The following QTGAL variants were observed in gnomAD, a reference collection of about 807,000 sequenced individuals.
QTGAL encodes the protein queuosine-tRNA galactosyltransferase.
the QTGAL span, chr17:82,957,629 C>A: frequency 1.7e-5 from 22 of 1,266,028 alleles, no homozygotes; most frequent in East Asian, 5.1e-4. Context: ...CTAAGAGAGA[C>A]TGGCTGTCCT....
chr17:82,962,873 G>A, the QTGAL span, among the ~76,000 whole-genome samples: 1 of 150,050 alleles, frequency 6.7e-6, no homozygotes, highest in Non-Finnish European at 1.5e-5. Flanking sequence ...CTCTGCCCTG[G>A]GAGGAGGGGG....
chr17:82,961,430 T>G, the QTGAL span: 2 of 533,350 alleles, frequency 3.7e-6, no homozygotes, highest in Non-Finnish European at 6.7e-6. Flanking sequence ...CTGCCCCAAA[T>G]TCCATTTTGA....
At chr17:83,014,487 C>T in the QTGAL span, 1 of 1,614,180 alleles carries the variant, frequency 6.2e-7, no homozygotes, top group South Asian at 1.1e-5. Flanking sequence ...CCTCGTGTTG[C>T]AGCCTCACCC....
chr17:82,991,532 T>A, the QTGAL span, among the ~76,000 whole-genome samples: 1 of 152,194 alleles, frequency 6.6e-6, no homozygotes. Context: ...CAGATGCAGC[T>A]TAGATCGCAA....
chr17:82,960,759 G>C, the QTGAL span, among the ~76,000 whole-genome samples: 1 of 152,246 alleles, frequency 6.6e-6, no homozygotes, highest in African/African-American at 2.4e-5. Flanking sequence ...GGGTTAAAGG[G>C]AGCACAGGGT....
the QTGAL span, among the ~76,000 whole-genome samples, chr17:83,012,742 A>G: frequency 3.3e-5 from 5 of 152,106 alleles, no homozygotes; most frequent in Admixed American, 3.3e-4. Flanking sequence ...CTTTCCTCAC[A>G]TAAACTGTCC....
At chr17:83,011,210 G>A in the QTGAL span, among the ~76,000 whole-genome samples, 2 of 152,236 alleles carry the variant, frequency 1.3e-5, no homozygotes, top group Non-Finnish European at 2.9e-5. Flanking sequence ...GAGGAAGGAC[G>A]GGGGTTGGCT....
chr17:82,952,166 AG>A, the QTGAL span, among the ~76,000 whole-genome samples: 1 of 152,224 alleles, frequency 6.6e-6, no homozygotes, highest in African/African-American at 2.4e-5. Flanking sequence ...GACTTGGATT[AG>A]TTGTGTGACA....
the QTGAL span, chr17:82,981,836 G>A: frequency 6.6e-6 from 1 of 152,240 alleles, no homozygotes; most frequent in African/African-American, 2.4e-5. Flanking sequence ...ACATTGTCCT[G>A]TACATTCTGT....
chr17:82,957,457 C>T, the QTGAL span: 1 of 1,610,778 alleles, frequency 6.2e-7, no homozygotes, highest in Non-Finnish European at 8.5e-7. Context: ...AGGGCCTGCT[C>T]TTCCAGGAAG....
chr17:82,952,252 G>A, the QTGAL span, among the ~76,000 whole-genome samples: 2 of 152,080 alleles, frequency 1.3e-5, no homozygotes, highest in Admixed American at 6.5e-5. Flanking sequence ...ACCGTGACCC[G>A]CCCTGGTGTG....
chr17:83,042,204 C>T, the QTGAL span, among the ~76,000 whole-genome samples: 1 of 152,062 alleles, frequency 6.6e-6, no homozygotes, highest in Non-Finnish European at 1.5e-5. Context: ...CCCTCTCTAC[C>T]AAAAATACAA....
the QTGAL span, chr17:83,035,137 A>G: frequency 6.5e-7 from 1 of 1,533,742 alleles, no homozygotes. Flanking sequence ...TTTATAATTC[A>G]GTTTCCAGCA....
chr17:83,050,297 G>T, the QTGAL span, among the ~76,000 whole-genome samples: 1 of 152,116 alleles, frequency 6.6e-6, no homozygotes, highest in Non-Finnish European at 1.5e-5. Flanking sequence ...TTGAACCCGG[G>T]AGGCAGAGGT....
chr17:83,013,142 A>G, the QTGAL span, among the ~76,000 whole-genome samples: 3 of 152,122 alleles, frequency 2.0e-5, no homozygotes, highest in Admixed American at 2.0e-4. Context: ...GCTACAAGCC[A>G]CAGAGCTCTC....
the QTGAL span, among the ~76,000 whole-genome samples, chr17:83,041,582 G>A: frequency 6.6e-6 from 1 of 152,204 alleles, no homozygotes; most frequent in Non-Finnish European, 1.5e-5. Context: ...ACAGGCAATG[G>A]GGTCACACAC....
At chr17:83,009,372 C>T in the QTGAL span, among the ~76,000 whole-genome samples, 4 of 151,770 alleles carry the variant, frequency 2.6e-5, no homozygotes, top group Non-Finnish European at 4.4e-5. Flanking sequence ...TGCAGTGAGC[C>T]GAGACCGTAC....
the QTGAL span, among the ~76,000 whole-genome samples, chr17:82,952,012 G>A: frequency 6.6e-6 from 1 of 152,164 alleles, no homozygotes; most frequent in African/African-American, 2.4e-5. Context: ...CTGGAAGAGG[G>A]GCACTGATGG....
At chr17:83,029,080 G>A in the QTGAL span, among the ~76,000 whole-genome samples, 3 of 152,202 alleles carry the variant, frequency 2.0e-5, no homozygotes, top group African/African-American at 4.8e-5. Context: ...GACCGGAGCC[G>A]GGAGCATGCA....
Sources: gnomAD v4.1 joint callset for allele counts (sites outside exome capture counted in the v4.1 genomes callset) on GRCh38, gnomAD v4.1.1 for gene constraint, MANE v1.5 for transcripts, NCBI Gene and HGNC (gene_info 2026-07-23, HGNC 2026-07-21) for gene names.